The following THAP4 variants were observed in gnomAD, a reference collection of about 807,000 sequenced individuals.
THAP4 encodes the protein peroxynitrite isomerase THAP4.
Under a neutral mutation model 48.1 loss-of-function variants are expected in THAP4, and 18 were observed. That is an observed-to-expected ratio of 0.37 (90% CI 0.26 to 0.56). THAP4 has a LOEUF of 0.56. Among genes scored for constraint, THAP4 ranks in the 20% least tolerant of loss-of-function variants. The pLI is 0.78. For missense variants in THAP4, 656 were observed against 774.9 expected (o/e 0.85, Z 1.82); for synonymous variants, 345 against 324.9 (o/e 1.06, Z -0.66).
At chr2:241,617,331 A>G in intron 2 of THAP4, 2 of 1,073,552 alleles carry the variant, frequency 1.9e-6, no homozygotes, top group Non-Finnish European at 1.4e-6. Flanking sequence ...TCTCAACCAA[A>G]ACACAAAAAC....
chr2:241,637,374 G>A, upstream of THAP4: 4 of 1,386,056 alleles, frequency 2.9e-6, no homozygotes, highest in Non-Finnish European at 3.8e-6. Flanking sequence ...CAAGATGGCT[G>A]CTCGGACGGG....
At chr2:241,608,041 G>T (rs1038936092) in intron 2 of THAP4, among the ~76,000 whole-genome samples, 2 of 151,948 alleles carry the variant, frequency 1.3e-5, no homozygotes, top group African/African-American at 4.8e-5. Context: ...GGACTGACGG[G>T]GACAGGAGTT....
intron 2 of THAP4, among the ~76,000 whole-genome samples, chr2:241,622,185 C>T (rs768652389): frequency 2.0e-5 from 3 of 152,158 alleles, no homozygotes; most frequent in Non-Finnish European, 2.9e-5. Context: ...GTCTGGCCAA[C>T]GTGGTGAATC....
intron 2 of THAP4, 123 bp downstream of exon 2, chr2:241,632,794 T>G (rs1265874265): frequency 5.5e-6 from 4 of 727,822 alleles, no homozygotes; most frequent in Non-Finnish European, 8.7e-6. Context: ...GACCAGAGCT[T>G]CCTCCTGAGA....
At chr2:241,629,385 G>T (rs62193460) in intron 2 of THAP4, among the ~76,000 whole-genome samples, 8 of 151,558 alleles carry the variant, frequency 5.3e-5, no homozygotes, top group African/African-American at 1.9e-4. Flanking sequence ...GTGGGAGGAT[G>T]GCTTGAGCCC....
At position 241,593,630 on chromosome 2, in the gene THAP4, T is replaced by G. The variant is rs533435335; in HGVS notation, c.1614+8266A>C. The stretch of plus-strand genomic sequence containing the variant: ...GAGTGTCTCTACCAGTGGCCGTGGA[T>G]GAAGGCTGAAAACAGCAGGTTTGCT... On this transcript the variant is annotated intron_variant, in intron 5 of 5. Coordinates refer to ENST00000407315, the MANE Select transcript of THAP4 (RefSeq NM_015963.6). 1.4e-4 allele frequency among the ~76,000 whole-genome samples: 21 copies of G among 152,324 alleles called. No homozygotes were observed. The East Asian group carries it at 4.0e-3, about 29-fold the overall frequency.
chr2:241,598,324 G>T (rs897419069), intron 5 of THAP4, among the ~76,000 whole-genome samples: 1 of 152,216 alleles, frequency 6.6e-6, no homozygotes, highest in African/African-American at 2.4e-5. Context: ...ATTTGCAAAA[G>T]CTAAGAAGCT....
intron 2 of THAP4, chr2:241,617,408 TTACCCATCCC>T: frequency 6.5e-7 from 1 of 1,547,512 alleles, no homozygotes; most frequent in East Asian, 2.4e-5. Flanking sequence ...GAAAGCAGGC[TTACCCATCCC>T]TAAGTTTTCT....
At chr2:241,634,967 G>A in intron 1 of THAP4, among the ~76,000 whole-genome samples, 1 of 152,264 alleles carries the variant, frequency 6.6e-6, no homozygotes, top group East Asian at 1.9e-4. Context: ...ACAGGAGAAT[G>A]CGGGTTCCCA....
At chr2:241,605,894 A>G (rs908644975) in intron 3 of THAP4, among the ~76,000 whole-genome samples, 2 of 152,038 alleles carry the variant, frequency 1.3e-5, no homozygotes, top group Middle Eastern at 3.2e-3. Context: ...AATACTTTTC[A>G]GTAGAGACAA....
chr2:241,600,083 C>G (rs1559221261), intron 5 of THAP4, among the ~76,000 whole-genome samples: 1 of 152,002 alleles, frequency 6.6e-6, no homozygotes, highest in East Asian at 1.9e-4. Flanking sequence ...GTAATCCCAG[C>G]TACTCGGGAG....
Position 241,633,596 on chromosome 2 carries a change from C to T in THAP4, c.561G>A (p.Gln187=). The change falls in exon 2 of 6, where the codon CAG becomes CAA. Residue 187 remains glutamine, a synonymous_variant. Coordinates refer to ENST00000407315, the MANE Select transcript of THAP4 (RefSeq NM_015963.6). The surrounding 1 kb of genome is among the most constrained non-coding windows in gnomAD (Gnocchi z 7.5). The part of the protein sequence containing the change: ...DGLATMVAGS[Q]GKAEASATDA... ...CTGTGGCAGACGCTTCTGCTTTTCC[C>T]TGACTGCCTGCCACCATGGTGGCCA... 1 of 1,613,466 alleles carries T rather than the reference C, an allele frequency of 6.2e-7. No homozygotes were observed. Among genetic ancestry groups the T allele is most frequent in the African/African-American group, 1.3e-5 (1 of 75,044 alleles).
Position 241,606,226 on chromosome 2 carries a change from G to A in THAP4, c.1400+88C>T, listed in dbSNP as rs947605270. 8 of 1,265,784 alleles carry A rather than the reference G, an allele frequency of 6.3e-6. No homozygotes were observed. The Admixed American group carries it at 1.7e-4, about 26-fold the overall frequency. The allele number at this position is 1,265,784 out of a possible 1,614,324, so 78.4% of individuals were successfully genotyped here. On this transcript the variant is annotated intron_variant, in intron 3 of 5. Transcript: ENST00000407315. ...AGTTCCTTTTACACCTTCCTGCTTG[G>A]CCTTTGTCTTTGATCAGTCTGGAAT...
chr2:241,637,151 G>C lies in THAP4; in HGVS notation c.-134C>G, dbSNP rs1340903887. On this transcript the variant is annotated 5_prime_UTR_variant, in exon 1 of 6. Coordinates refer to ENST00000407315, the MANE Select transcript of THAP4 (RefSeq NM_015963.6). Reference sequence around the variant, plus strand: ...CCGGCCCGCGGCGTCCGCGCCGTACGGCAAGATGGAGGCGCAGGCGCCCGC... The same window carrying C: ...CCGGCCCGCGGCGTCCGCGCCGTACCGCAAGATGGAGGCGCAGGCGCCCGC... The C allele has an allele frequency of 1.0e-6, 1 of 990,740 alleles. No individual in the cohort carries two copies. The highest frequency in any genetic ancestry group is 1.1e-4 in the East Asian group (1 of 8,988). 61.4% of individuals were successfully genotyped at this position (990,740 alleles called of 1,614,324 possible). A position where few individuals can be genotyped will look rare whatever the true frequency, so the allele number is the denominator to read the frequency against.
chr2:241,619,017 G>A (rs2067379309), intron 2 of THAP4, among the ~76,000 whole-genome samples: 1 of 152,186 alleles, frequency 6.6e-6, no homozygotes, highest in Non-Finnish European at 1.5e-5. Context: ...CCCAAGCGGG[G>A]AGGAGAAAGG....
At chr2:241,624,798 T>A (rs774776588) in intron 2 of THAP4, among the ~76,000 whole-genome samples, 3 of 152,222 alleles carry the variant, frequency 2.0e-5, no homozygotes, top group African/African-American at 4.8e-5. Context: ...AGCCCTCATC[T>A]GGGAGCCCCC....
chr2:241,611,165 G>A (rs2067268921), intron 2 of THAP4, among the ~76,000 whole-genome samples: 2 of 152,146 alleles, frequency 1.3e-5, no homozygotes, highest in Admixed American at 1.3e-4. Context: ...CTGGGAGCTG[G>A]GGGGGTGGCC....
chr2:241,620,879 G>A (rs1026454600), intron 2 of THAP4, among the ~76,000 whole-genome samples: 4 of 151,922 alleles, frequency 2.6e-5, no homozygotes, highest in African/African-American at 9.7e-5. Context: ...GTCTGTCATT[G>A]ACCAAAACAT....
chr2:241,593,326 C>A (rs1166220388), intron 5 of THAP4, among the ~76,000 whole-genome samples: 1 of 152,184 alleles, frequency 6.6e-6, no homozygotes, highest in Admixed American at 6.5e-5. Flanking sequence ...ACCCAGCAAG[C>A]CGGCACAGAG....
Sources: gnomAD v4.1 joint callset for allele counts (sites outside exome capture counted in the v4.1 genomes callset) on GRCh38, gnomAD v4.1.1 for gene constraint, Gnocchi (gnomAD v3.1) non-coding constraint, MANE v1.5 for transcripts, NCBI Gene and HGNC (gene_info 2026-07-23, HGNC 2026-07-21) for gene names.